FBXL2: variants seen among roughly 807,000 people sequenced by gnomAD.
The protein encoded by FBXL2 is F-box and leucine rich repeat protein 2.
In FBXL2, 38 loss-of-function variants were observed where a neutral mutation model predicts 69.2. The ratio of observed to expected loss-of-function variants is 0.55; its 90% CI spans 0.42 to 0.72. The LOEUF (loss-of-function observed/expected upper bound fraction) is 0.72, where lower values mean the gene tolerates loss of function less well. Ranked by LOEUF, FBXL2 falls within the 30% of genes least tolerant of loss-of-function variation. The pLI is 0.00. For missense variants in FBXL2, 354 were observed against 520.3 expected, an observed-to-expected ratio of 0.68 and a Z score of 3.11; for synonymous variants, 192 against 201.3, an observed-to-expected ratio of 0.95 and a Z score of 0.39.
chr3:33,375,154 T>C (rs2042553689), intron 9 of FBXL2, 134 bp from the exon 10 acceptor site: 17 of 1,028,498 alleles, frequency 1.7e-5, no homozygotes, highest in Admixed American at 8.7e-5. Context: ...CCTCTACTTA[T>C]TTTGTTGAAG....
intron 1 of FBXL2, among the ~76,000 whole-genome samples, chr3:33,280,739 GA>G (rs1221083242): frequency 3.6e-5 from 5 of 140,324 alleles, no homozygotes; most frequent in South Asian, 4.5e-4. Context: ...AAAAAGAAAA[GA>G]AAAAAAGGCA....
At chr3:33,375,145 C>T (rs1457327060) in intron 9 of FBXL2, 143 bp from the exon 10 acceptor site, 29 of 909,928 alleles carry the variant, frequency 3.2e-5, no homozygotes, top group Non-Finnish European at 4.2e-5. Flanking sequence ...CCTGTCTACC[C>T]TCTACTTATT....
rs374985642 is a variant in FBXL2, at chr3:33,401,776, G to C, written n.1215-1458G>C. Reference sequence around the variant, plus strand: ...TGCTGGGAACACAATAAGTTCTCCAGTCTACTAGTGAGTACATAAACTTAC... The same window carrying C: ...TGCTGGGAACACAATAAGTTCTCCACTCTACTAGTGAGTACATAAACTTAC... On this transcript the variant is annotated intron_variant and non_coding_transcript_variant, in intron 12 of 12. Coordinates refer to the FBXL2 transcript ENST00000463736. Among the ~76,000 whole-genome samples, 3 of 152,318 alleles carry C rather than the reference G, an allele frequency of 2.0e-5. No individual in the cohort carries two copies. The East Asian group carries it at 5.8e-4, about 29-fold the overall frequency.
intron 2 of FBXL2, among the ~76,000 whole-genome samples, chr3:33,304,645 C>T (rs2125739850): frequency 6.6e-6 from 1 of 152,138 alleles, no homozygotes; most frequent in South Asian, 2.1e-4. Flanking sequence ...TGCACAAGTA[C>T]ACAATTTTCT....
chr3:33,367,115 G>A (rs1459559360), intron 5 of FBXL2, among the ~76,000 whole-genome samples: 3 of 150,758 alleles, frequency 2.0e-5, no homozygotes, highest in Non-Finnish European at 4.4e-5. Context: ...TTTCTTTTTA[G>A]ATGGAGTTTC....
At position 33,394,817 on chromosome 3, in the gene FBXL2, GTT is replaced by G. The variant is rs76142927; in HGVS notation, n.1215-8398_1215-8397del. 2.7e-4 allele frequency among the ~76,000 whole-genome samples: 30 copies of G among 110,402 alleles called. 1 individual carries two copies. Among genetic ancestry groups the G allele is most frequent in the Non-Finnish European group, 3.4e-4 (16 of 47,482 alleles). 72.4% of individuals were successfully genotyped at this position (110,402 alleles called of 152,430 possible). A position where few individuals can be genotyped will look rare whatever the true frequency, so the allele number is the denominator to read the frequency against. On this transcript the variant is annotated intron_variant and non_coding_transcript_variant, in intron 12 of 12. Coordinates refer to the FBXL2 transcript ENST00000463736. ...ATGGGCCAATTCCTGCCCTCCACTT[GTT>G]TTTTTTTTTTTTTTTTTTAAATAAA...
At chr3:33,360,008 T>C (rs1218701745) in intron 4 of FBXL2, among the ~76,000 whole-genome samples, 1 of 152,144 alleles carries the variant, frequency 6.6e-6, no homozygotes, top group Non-Finnish European at 1.5e-5. Context: ...AAAAAGAAAG[T>C]TTAGGCAGGG....
intron 12 of FBXL2, chr3:33,393,425 T>A: frequency 1.9e-6 from 3 of 1,610,554 alleles, no homozygotes; most frequent in Non-Finnish European, 2.5e-6. Flanking sequence ...TCTGAGGCAA[T>A]CATTTCTTCC....
rs1008422899 is a variant in FBXL2 at position 33,386,691 on chromosome 3, T to C, written c.*1083T>C. On this transcript the variant is annotated 3_prime_UTR_variant, in exon 15 of 15. Coordinates refer to ENST00000484457, the MANE Select transcript of FBXL2 (RefSeq NM_012157.5). ...TGGCAGACACATCCAAGCAAAACCA[T>C]TTTCCAAATGCAGACCTTCCTGATG... 1.3e-5 allele frequency: 2 copies of C among 152,158 alleles called. No individual in the cohort carries two copies. The allele number at this position is 152,158 out of a possible 1,614,324, so 9.4% of individuals were successfully genotyped here. A position where few individuals can be genotyped will look rare whatever the true frequency, so the allele number is the denominator to read the frequency against.
chr3:33,323,235 G>A (rs1041441545), intron 2 of FBXL2, among the ~76,000 whole-genome samples: 1 of 151,986 alleles, frequency 6.6e-6, no homozygotes. Flanking sequence ...CCAGCTTCAT[G>A]GTGCAGTTTT....
At chr3:33,402,109 C>A (rs2044252947) in intron 12 of FBXL2, among the ~76,000 whole-genome samples, 1 of 152,186 alleles carries the variant, frequency 6.6e-6, no homozygotes, top group African/African-American at 2.4e-5. Flanking sequence ...TCCTCCCCAA[C>A]AAGAAACTTC....
At chr3:33,399,046 T>C (rs2044121005) in intron 12 of FBXL2, among the ~76,000 whole-genome samples, 1 of 152,232 alleles carries the variant, frequency 6.6e-6, no homozygotes, top group South Asian at 2.1e-4. Context: ...TAAGAAACCA[T>C]GTTCTTAGCA....
chr3:33,420,638 G>A, the FBXL2 span, among the ~76,000 whole-genome samples: 1 of 152,128 alleles, frequency 6.6e-6, no homozygotes, highest in Non-Finnish European at 1.5e-5. Context: ...ACAGGCACAT[G>A]CCAGTACGCC....
At chr3:33,359,400 G>A (rs754770851) in intron 4 of FBXL2, 43 bp downstream of exon 4, 1 of 1,384,910 alleles carries the variant, frequency 7.2e-7, no homozygotes, top group South Asian at 1.2e-5. Context: ...TTAAAAATAT[G>A]AGTAGCTGTT....
downstream of FBXL2, among the ~76,000 whole-genome samples, chr3:33,407,544 AT>A (rs1200948943): frequency 1.4e-5 from 2 of 143,010 alleles, no homozygotes; most frequent in African/African-American, 5.4e-5. Context: ...ATTCGAATTT[AT>A]TTAAAAAAAA....
At position 33,330,947 on chromosome 3, in the gene FBXL2, T is replaced by G. The variant is rs181681054; in HGVS notation, c.66-28020T>G. ...CACACACACAAATATATCTATATCA[T>G]ATAAAGTATATATTATAAAATATTC... On this transcript the variant is annotated intron_variant, in intron 2 of 14. Coordinates refer to ENST00000484457, the MANE Select transcript of FBXL2 (RefSeq NM_012157.5). 1.1e-3 allele frequency among the ~76,000 whole-genome samples: 165 copies of G among 151,186 alleles called. 2 individuals carry two copies. Among genetic ancestry groups the G allele is most frequent in the Non-Finnish European group, 5.3e-4 (36 of 67,810 alleles).
intron 10 of FBXL2, among the ~76,000 whole-genome samples, chr3:33,375,879 A>G (rs2042601521): frequency 6.6e-6 from 1 of 152,200 alleles, no homozygotes; most frequent in African/African-American, 2.4e-5. Context: ...AATTTAGGCC[A>G]GGCATGGTGG....
the FBXL2 span, among the ~76,000 whole-genome samples, chr3:33,421,727 T>C: frequency 2.6e-5 from 4 of 152,250 alleles, no homozygotes; most frequent in Non-Finnish European, 5.9e-5. Flanking sequence ...TTTACAGCAT[T>C]ACATAGTGGC....
intron 9 of FBXL2, 49 bp from the exon 10 acceptor site, chr3:33,375,239 G>A (rs1315505238): frequency 6.3e-7 from 1 of 1,589,676 alleles, no homozygotes; most frequent in East Asian, 2.3e-5. Context: ...CTCCCGTTTT[G>A]GTATTGCTGG....
Sources: allele counts gnomAD v4.1 joint callset (sites outside exome capture counted in the v4.1 genomes callset), GRCh38; gene constraint gnomAD v4.1.1; transcripts MANE v1.5; gene names NCBI Gene and HGNC (gene_info 2026-07-23, HGNC 2026-07-21).